The following SLC38A12 variants were observed in gnomAD, a reference collection of about 807,000 sequenced individuals.
The protein encoded by SLC38A12 is putative sodium-coupled neutral amino acid transporter 12.
At chr17:74,802,732 A>G in the SLC38A12 span, among the ~76,000 whole-genome samples, 2 of 152,200 alleles carry the variant, frequency 1.3e-5, no homozygotes, top group African/African-American at 2.4e-5. Context: ...TCAGTGCTCA[A>G]AAAGTTTCAG....
chr17:74,790,677 A>G, the SLC38A12 span, among the ~76,000 whole-genome samples: 2 of 150,824 alleles, frequency 1.3e-5, no homozygotes, highest in Admixed American at 1.3e-4. Context: ...ATGTTCATAC[A>G]TGCCCCTGCC....
chr17:74,836,493 A>G, the SLC38A12 span: 2 of 1,611,522 alleles, frequency 1.2e-6, no homozygotes, highest in Non-Finnish European at 1.7e-6. The surrounding 1 kb of genome is among the most constrained non-coding windows in gnomAD (Gnocchi z 4.2). Flanking sequence ...GGGCACCGGC[A>G]TCCAGTACGT....
the SLC38A12 span, among the ~76,000 whole-genome samples, chr17:74,779,734 T>C: frequency 1.3e-5 from 2 of 152,182 alleles, no homozygotes; most frequent in African/African-American, 4.8e-5. Context: ...GGCAGGTCAT[T>C]CATACGTGTG....
the SLC38A12 span, among the ~76,000 whole-genome samples, chr17:74,835,304 C>G: frequency 4.7e-3 from 713 of 152,330 alleles, 5 homozygotes; most frequent in African/African-American, 0.016. Context: ...CTGGCGTGAC[C>G]ACTGGCAACT....
chr17:74,822,065 G>T, the SLC38A12 span, among the ~76,000 whole-genome samples: 1 of 152,186 alleles, frequency 6.6e-6, no homozygotes. Context: ...ATTCCTCCCC[G>T]TGTCTGGGGA....
chr17:74,788,832 A>G, the SLC38A12 span: 1 of 1,613,602 alleles, frequency 6.2e-7, no homozygotes, highest in Non-Finnish European at 8.5e-7. Flanking sequence ...GGCTGCAGCC[A>G]ACGCGCAGCT....
chr17:74,836,190 G>T, the SLC38A12 span: 2 of 1,612,592 alleles, frequency 1.2e-6, no homozygotes, highest in East Asian at 2.2e-5. This position sits in a 1 kb window ranked among gnomAD's most constrained non-coding sequence, Gnocchi z 4.2. Flanking sequence ...CTTCCGCGGC[G>T]ACAGCCTCAT....
At chr17:74,783,721 C>CTTT in the SLC38A12 span, among the ~76,000 whole-genome samples, 20 of 104,012 alleles carry the variant, frequency 1.9e-4, no homozygotes, top group East Asian at 7.8e-4. Flanking sequence ...CATGCTTTTT[C>CTTT]TTTTTTTTTT....
the SLC38A12 span, among the ~76,000 whole-genome samples, chr17:74,804,970 C>T: frequency 1.3e-5 from 2 of 152,228 alleles, no homozygotes; most frequent in Non-Finnish European, 2.9e-5. Flanking sequence ...ACCACTGGCA[C>T]AAGAGTGCCT....
the SLC38A12 span, among the ~76,000 whole-genome samples, chr17:74,822,426 A>C: frequency 6.6e-6 from 1 of 152,206 alleles, no homozygotes; most frequent in African/African-American, 2.4e-5. Flanking sequence ...AGTGGCCTCG[A>C]GAGAGGCTTT....
chr17:74,824,449 C>G, the SLC38A12 span, among the ~76,000 whole-genome samples: 1 of 151,984 alleles, frequency 6.6e-6, no homozygotes, highest in Admixed American at 6.5e-5. Flanking sequence ...CGGGAGGCTG[C>G]CCCTGCCCCG....
chr17:74,788,968 G>A, the SLC38A12 span: 17 of 1,106,284 alleles, frequency 1.5e-5, no homozygotes, highest in Middle Eastern at 2.0e-4. Context: ...AGTGCATGGC[G>A]GGCTCTGTCC....
the SLC38A12 span, among the ~76,000 whole-genome samples, chr17:74,812,653 G>A: frequency 1.3e-5 from 2 of 152,030 alleles, no homozygotes; most frequent in African/African-American, 2.4e-5. Flanking sequence ...TGTGCGCTCC[G>A]CCTCCACCCA....
chr17:74,806,387 T>A, the SLC38A12 span, among the ~76,000 whole-genome samples: 11 of 152,238 alleles, frequency 7.2e-5, no homozygotes, highest in Non-Finnish European at 1.6e-4. Context: ...GGGAGAATAA[T>A]GCCGTGCACC....
the SLC38A12 span, among the ~76,000 whole-genome samples, chr17:74,794,455 G>A: frequency 1.3e-5 from 2 of 152,232 alleles, no homozygotes; most frequent in Admixed American, 6.5e-5. Flanking sequence ...CCAGGCCACC[G>A]TGTGCTTGGG....
the SLC38A12 span, among the ~76,000 whole-genome samples, chr17:74,829,430 C>T: frequency 1.3e-5 from 2 of 152,188 alleles, no homozygotes; most frequent in South Asian, 2.1e-4. This position sits in a 1 kb window ranked among gnomAD's most constrained non-coding sequence, Gnocchi z 4.1. Flanking sequence ...CACCTGAGCA[C>T]ACTTCAGTTT....
the SLC38A12 span, chr17:74,838,911 G>A: frequency 6.5e-7 from 1 of 1,535,774 alleles, no homozygotes; most frequent in Non-Finnish European, 8.7e-7. Flanking sequence ...TCAGTGATGG[G>A]AAGAGCAGAA....
At chr17:74,834,263 C>T in the SLC38A12 span, among the ~76,000 whole-genome samples, 2 of 152,072 alleles carry the variant, frequency 1.3e-5, no homozygotes, top group Admixed American at 6.6e-5. Context: ...ACTAGGTCGC[C>T]GCTTCCGCTT....
chr17:74,800,588 G>A, the SLC38A12 span, among the ~76,000 whole-genome samples: 2 of 152,264 alleles, frequency 1.3e-5, no homozygotes, highest in African/African-American at 4.8e-5. Context: ...GAGGCCTTCA[G>A]GACCAGTGAG....
Sources: gnomAD v4.1 joint callset for allele counts (sites outside exome capture counted in the v4.1 genomes callset) on GRCh38, gnomAD v4.1.1 for gene constraint, Gnocchi (gnomAD v3.1) non-coding constraint, MANE v1.5 for transcripts, NCBI Gene and HGNC (gene_info 2026-07-23, HGNC 2026-07-21) for gene names.